KLF10: variants seen among roughly 807,000 people sequenced by gnomAD.
KLF10 encodes KLF transcription factor 10, also known as Krueppel-like factor 10.
KLF10 carries 17 observed loss-of-function variants against 31.6 expected under a neutral mutation model. That is an observed-to-expected ratio of 0.54 (90% CI 0.37 to 0.81). The LOEUF (loss-of-function observed/expected upper bound fraction) is 0.81, where lower values mean the gene tolerates loss of function less well. Among genes scored for constraint, KLF10 ranks in the 30% least tolerant of loss-of-function variants. The probability of loss-of-function intolerance (pLI) is 0.00; values close to 1 mark genes in which losing one functional copy is unlikely to be tolerated. For synonymous variants in KLF10, 239 were observed against 215.1 expected (o/e 1.11, Z -0.97); for missense variants, 525 against 598.1 (o/e 0.88, Z 1.27).
chr8:102,650,923 G>T (rs1827192991), intron 3 of KLF10, among the ~76,000 whole-genome samples: 1 of 152,136 alleles, frequency 6.6e-6, no homozygotes, highest in African/African-American at 2.4e-5. Context: ...GGCTGGTTTT[G>T]AACTCCTATG....
At chr8:102,651,021 T>C (rs924469107) in intron 3 of KLF10, 128 bp downstream of exon 3, 3 of 861,110 alleles carry the variant, frequency 3.5e-6, no homozygotes, top group Non-Finnish European at 5.2e-6. Context: ...TGGAGGACCT[T>C]GCACTGGTAA....
Position 102,649,887 on chromosome 8 carries a change from T to G in KLF10, c.*245A>C. ...CCTCATCTGAAACCTTCAAAAAATA[T>G]TCAAAGGAATAAAAGCTTTCTCATC... On this transcript the variant is annotated 3_prime_UTR_variant, in exon 4 of 4. Transcript: ENST00000285407. 2 of 541,756 alleles carry G rather than the reference T, an allele frequency of 3.7e-6. No individual in the cohort carries two copies. The highest frequency in any genetic ancestry group is 6.5e-6 in the Non-Finnish European group (2 of 306,238). 33.6% of individuals were successfully genotyped at this position (541,756 alleles called of 1,614,324 possible).
At chr8:102,653,974 G>C (rs1027151763) in intron 1 of KLF10, 1 of 985,774 alleles carries the variant, frequency 1.0e-6, no homozygotes, top group Non-Finnish European at 1.2e-6. Flanking sequence ...TGAGGCTCAC[G>C]GGTGAGTCAC....
At chr8:102,652,105 T>C in intron 2 of KLF10, 44 bp from the exon 3 acceptor site, 1 of 1,481,478 alleles carries the variant, frequency 6.8e-7, no homozygotes, top group Non-Finnish European at 9.0e-7. Flanking sequence ...CTACAGTTTA[T>C]TATATAAATT....
In KLF10 at chr8:102,651,949, G is replaced by A. The variant is rs754274218; in HGVS notation, c.383C>T (p.Pro128Leu). Residue 128 changes from proline (P) to leucine (L), a missense_variant, in exon 3 of 4, where the codon CCT becomes CTT. Transcript: ENST00000285407. ...HFKSLSDTAK[P>L]HIAAPFKEEE... ...CTCTTTGAAAGGTGCGGCAATGTGA[G>A]GTTTGGCAGTATCTGAGAGTGACTT... The A allele has an allele frequency of 5.6e-6, 9 of 1,613,922 alleles. No individual in the cohort carries two copies. The highest frequency in any genetic ancestry group is 1.3e-5 in the African/African-American group (1 of 74,892).
Position 102,649,005 on chromosome 8 carries a change from C to A in KLF10, c.*1127G>T, listed in dbSNP as rs1264191107. The A allele has an allele frequency of 6.6e-6, 1 of 152,450 alleles. No individual in the cohort carries two copies. Among genetic ancestry groups the A allele is most frequent in the Non-Finnish European group, 1.5e-5 (1 of 67,980 alleles). The allele number at this position is 152,450 out of a possible 1,614,324, so 9.4% of individuals were successfully genotyped here. The stretch of plus-strand genomic sequence containing the variant: ...TTTTAAGCAATGTACTTTTGTTTTG[C>A]CACTGTGTATATCATCCACTATATA... On this transcript the variant is annotated 3_prime_UTR_variant, in exon 4 of 4. Coordinates refer to ENST00000285407, the MANE Select transcript of KLF10 (RefSeq NM_005655.4).
chr8:102,651,011 T>C (rs1398320396), intron 3 of KLF10, 138 bp downstream of exon 3: 2 of 727,676 alleles, frequency 2.7e-6, no homozygotes, highest in East Asian at 5.6e-5. Flanking sequence ...TACAGCCTTT[T>C]GGAGGACCTT....
Position 102,652,067 on chromosome 8 carries a change from G to C in KLF10, c.271-6C>G, listed in dbSNP as rs750800332. The C allele has an allele frequency of 3.2e-6, 5 of 1,576,232 alleles. No individual in the cohort carries two copies. The highest frequency in any genetic ancestry group is 3.4e-6 in the Non-Finnish European group (4 of 1,165,446). ...CTGTAAGGTGGAGTCAAACACTAAA[G>C]AAAAGGGAAATACATAGCATGAGAA... is the stretch of plus-strand genomic sequence containing the variant. On this transcript the variant is annotated splice_polypyrimidine_tract_variant and splice_region_variant and intron_variant, in intron 2 of 3. Coordinates refer to ENST00000285407, the MANE Select transcript of KLF10 (RefSeq NM_005655.4).
intron 2 of KLF10, 21 bp from the exon 3 acceptor site, chr8:102,652,082 T>C (rs751764940): frequency 1.7e-5 from 26 of 1,550,426 alleles, no homozygotes; most frequent in African/African-American, 8.3e-5. Flanking sequence ...GGGAAATACA[T>C]AGCATGAGAA....
In KLF10 at chr8:102,650,019, T is replaced by C. The variant is rs893411821; in HGVS notation, c.*113A>G. The C allele has an allele frequency of 1.3e-5, 18 of 1,392,412 alleles. No individual in the cohort carries two copies. Among genetic ancestry groups the C allele is most frequent in the Non-Finnish European group, 1.7e-5 (18 of 1,034,796 alleles). The allele number at this position is 1,392,412 out of a possible 1,614,324, so 86.3% of individuals were successfully genotyped here. ...GGGCCTTCGTGCCAGGCTGTGGGGC[T>C]TCTGCTTTAAGCCCACGTTGTGGGG... On this transcript the variant is annotated 3_prime_UTR_variant, in exon 4 of 4. Coordinates refer to ENST00000285407, the MANE Select transcript of KLF10 (RefSeq NM_005655.4).
At position 102,650,508 on chromosome 8, in the gene KLF10, A is replaced by T; in HGVS notation, c.1184-117T>A. 3.8e-6 allele frequency: 4 copies of T among 1,063,906 alleles called. No individual in the cohort carries two copies. In the South Asian group the frequency reaches 6.6e-5, roughly 18 times the overall value. 65.9% of individuals were successfully genotyped at this position (1,063,906 alleles called of 1,614,324 possible). ...TTAAATAATAAAAGCTAATAAATCAAACTGTCAAATGAATATGAGATATGT... is the reference window on the plus strand; with the variant it reads ...TTAAATAATAAAAGCTAATAAATCATACTGTCAAATGAATATGAGATATGT... On this transcript the variant is annotated intron_variant, in intron 3 of 3. Coordinates refer to ENST00000285407, the MANE Select transcript of KLF10 (RefSeq NM_005655.4).
Position 102,651,356 on chromosome 8 carries a change from C to G in KLF10, c.976G>C (p.Val326Leu). The change falls in exon 3 of 4, where the codon GTG becomes CTG. Residue 326 changes from valine to leucine, a missense_variant. By Grantham distance (32) the Val-to-Leu change is conservative. Coordinates refer to ENST00000285407, the MANE Select transcript of KLF10 (RefSeq NM_005655.4). Reference protein sequence around the residue: ...AVMFVVPQPVVQSSKPPVVSP... With the variant: ...AVMFVVPQPVLQSSKPPVVSP... ...ACCACCGGAGGCTTTGAACTCTGCA[C>G]AACGGGCTGGGGTACCACAAACATG... is the stretch of plus-strand genomic sequence containing the variant. The G allele has an allele frequency of 1.3e-6, 2 of 1,597,964 alleles. No homozygotes were observed. The highest frequency in any genetic ancestry group is 1.7e-6 in the Non-Finnish European group (2 of 1,170,586).
chr8:102,650,010 C>T lies in KLF10; in HGVS notation c.*122G>A. 1.5e-6 allele frequency: 2 copies of T among 1,314,086 alleles called. No individual in the cohort carries two copies. Among genetic ancestry groups the T allele is most frequent in the African/African-American group, 1.5e-5 (1 of 67,742 alleles). 81.4% of individuals were successfully genotyped at this position (1,314,086 alleles called of 1,614,324 possible). On this transcript the variant is annotated 3_prime_UTR_variant, in exon 4 of 4. Transcript: ENST00000285407. The stretch of plus-strand genomic sequence containing the variant: ...ACCCAGGCGGGGCCTTCGTGCCAGG[C>T]TGTGGGGCTTCTGCTTTAAGCCCAC...
In KLF10 at chr8:102,652,222, A is replaced by C; in HGVS notation, c.212T>G (p.Leu71Trp). The change falls in exon 2 of 4, where the codon TTG becomes TGG. Residue 71 changes from leucine (L) to tryptophan (W), a missense_variant. Around this residue, in one of 3 missense-constraint regions of KLF10, gnomAD observed 434 missense variants for 450.7 expected, o/e 0.96. Transcript: ENST00000285407. ...ENRPVTPVSDLSEEENLLPGT... is the reference protein window; with the variant it reads ...ENRPVTPVSDWSEEENLLPGT... ...CGGAAGCAGATTCTCTTCCTCTGAC[A>C]AATCAGATACTGGTGTAACAGGTCT... 1.9e-6 allele frequency: 3 copies of C among 1,611,648 alleles called. No individual in the cohort carries two copies. Among genetic ancestry groups the C allele is most frequent in the Non-Finnish European group, 2.5e-6 (3 of 1,178,428 alleles).
At chr8:102,650,551 T>C (rs1827182233) in intron 3 of KLF10, among the ~76,000 whole-genome samples, 160 bp from the exon 4 acceptor site, 1 of 152,178 alleles carries the variant, frequency 6.6e-6, no homozygotes, top group South Asian at 2.1e-4. Context: ...CAATTTCAAC[T>C]TGTCACTTGA....
intron 1 of KLF10, chr8:102,653,600 CATG>C: frequency 1.5e-6 from 2 of 1,363,464 alleles, no homozygotes; most frequent in Non-Finnish European, 1.9e-6. Flanking sequence ...TTCAAAAATG[CATG>C]ATGCCTTCGT....
chr8:102,650,501 T>A, intron 3 of KLF10, 110 bp from the exon 4 acceptor site: 1 of 1,103,996 alleles, frequency 9.1e-7, no homozygotes, highest in Non-Finnish European at 1.3e-6. Context: ...TAAAAGCTAA[T>A]AAATCAAACT....
intron 1 of KLF10, chr8:102,653,789 G>T: frequency 9.3e-7 from 1 of 1,070,830 alleles, no homozygotes; most frequent in Non-Finnish European, 1.1e-6. Context: ...AAGAGAGCGT[G>T]AGCTGGGAAG....
Position 102,649,827 on chromosome 8 carries a change from GCA to G in KLF10, c.*303_*304del, listed in dbSNP as rs1172719813. ...ACAGCAAAAGTAAAGTAACAAATAT[GCA>G]CACAGATTCAAAATCTGTGCTACCT... On this transcript the variant is annotated 3_prime_UTR_variant, in exon 4 of 4. Transcript: ENST00000285407. The G allele has an allele frequency of 7.9e-6, 3 of 380,338 alleles. No homozygotes were observed. The highest frequency in any genetic ancestry group is 2.0e-5 in the African/African-American group (1 of 49,518). The allele number at this position is 380,338 out of a possible 1,614,324, so 23.6% of individuals were successfully genotyped here. A position where few individuals can be genotyped will look rare whatever the true frequency, so the allele number is the denominator to read the frequency against.
Sources: allele counts gnomAD v4.1 joint callset (sites outside exome capture counted in the v4.1 genomes callset), GRCh38; gene constraint gnomAD v4.1.1; regional missense constraint gnomAD v4.1.1; transcripts MANE v1.5; gene names NCBI Gene and HGNC (gene_info 2026-07-23, HGNC 2026-07-21).